The following ERC2 variants were observed in gnomAD, a reference collection of about 807,000 sequenced individuals.
ERC2 encodes ELKS/RAB6-interacting/CAST family member 2.
Under a neutral mutation model 114.8 loss-of-function variants are expected in ERC2, and 42 were observed. The observed-to-expected ratio is 0.37, with a 90% CI of 0.29 to 0.47. The LOEUF (loss-of-function observed/expected upper bound fraction) is 0.47, where lower values mean the gene tolerates loss of function less well. Among genes scored for constraint, ERC2 ranks in the 20% least tolerant of loss-of-function variants. ERC2 has a pLI of 0.99. For synonymous variants in ERC2, 454 were observed against 425.5 expected, an observed-to-expected ratio of 1.07 and a Z score of -0.82; for missense variants, 939 against 1,150.7, an observed-to-expected ratio of 0.82 and a Z score of 2.66.
intron 13 of ERC2, among the ~76,000 whole-genome samples, chr3:55,901,559 C>T (rs1319438340): frequency 6.6e-6 from 1 of 152,188 alleles, no homozygotes; most frequent in Non-Finnish European, 1.5e-5. Flanking sequence ...GAGAATCTCC[C>T]TCACATCAAA....
At chr3:56,194,345 T>C (rs985058573) in intron 3 of ERC2, among the ~76,000 whole-genome samples, 42 of 152,176 alleles carry the variant, frequency 2.8e-4, no homozygotes, top group African/African-American at 9.4e-4. Flanking sequence ...CAAGATGAGA[T>C]AATCCTAGAT....
intron 14 of ERC2, among the ~76,000 whole-genome samples, chr3:55,869,142 C>T (rs914931932): frequency 6.6e-6 from 1 of 152,112 alleles, no homozygotes; most frequent in Non-Finnish European, 1.5e-5. Context: ...TTGGAGATAG[C>T]CTCTCTAATG....
At chr3:56,092,844 T>TA (rs1309372011) in intron 6 of ERC2, among the ~76,000 whole-genome samples, 2 of 152,184 alleles carry the variant, frequency 1.3e-5, no homozygotes, top group East Asian at 3.8e-4. Flanking sequence ...TCCCTTCAGG[T>TA]AAGCACATTA....
chr3:55,954,240 G>C (rs1576344415), intron 12 of ERC2, among the ~76,000 whole-genome samples: 1 of 151,784 alleles, frequency 6.6e-6, no homozygotes, highest in Admixed American at 6.6e-5. Flanking sequence ...TAGTGGTAAG[G>C]TTAGTTTTCA....
At chr3:55,942,582 C>A (rs2066882446) in intron 13 of ERC2, among the ~76,000 whole-genome samples, 1 of 151,834 alleles carries the variant, frequency 6.6e-6, no homozygotes, top group Non-Finnish European at 1.5e-5. Context: ...CAGGCGTGAG[C>A]CACCGCGCCC....
At chr3:56,124,546 C>A (rs1180878447) in intron 6 of ERC2, among the ~76,000 whole-genome samples, 3 of 152,148 alleles carry the variant, frequency 2.0e-5, no homozygotes, top group Non-Finnish European at 2.9e-5. Context: ...TGATCTAAAC[C>A]CACACTTACA....
At chr3:55,707,260 C>T (rs899553614) in intron 15 of ERC2, among the ~76,000 whole-genome samples, 1 of 151,936 alleles carries the variant, frequency 6.6e-6, no homozygotes, top group Non-Finnish European at 1.5e-5. Context: ...ATAGTGAAAC[C>T]CCACGTCTAC....
At chr3:55,743,229 G>T (rs1236467024) in intron 14 of ERC2, among the ~76,000 whole-genome samples, 11 of 152,190 alleles carry the variant, frequency 7.2e-5, no homozygotes, top group Non-Finnish European at 7.3e-5. Context: ...TCCTTGCTCA[G>T]TGCATGAGCC....
intron 1 of ERC2, among the ~76,000 whole-genome samples, chr3:56,444,264 C>A (rs1015403498): frequency 2.0e-5 from 3 of 151,996 alleles, no homozygotes; most frequent in African/African-American, 4.8e-5. Context: ...AGCCACCACG[C>A]CCCGCCAATA....
At chr3:55,579,696 G>T (rs1328927685) in intron 17 of ERC2, among the ~76,000 whole-genome samples, 1 of 152,212 alleles carries the variant, frequency 6.6e-6, no homozygotes, top group Non-Finnish European at 1.5e-5. Context: ...GTGCACGGCA[G>T]AAATGATTCA....
At chr3:55,778,708 G>A (rs1022734666) in intron 14 of ERC2, among the ~76,000 whole-genome samples, 2 of 152,076 alleles carry the variant, frequency 1.3e-5, no homozygotes, top group Non-Finnish European at 2.9e-5. Context: ...GGTACAAAGG[G>A]TATGTATCAT....
intron 6 of ERC2, among the ~76,000 whole-genome samples, chr3:56,120,193 G>A (rs2079495040): frequency 6.6e-6 from 1 of 152,176 alleles, no homozygotes; most frequent in African/African-American, 2.4e-5. Context: ...CTTAGAGTCA[G>A]AAGATCTGGC....
intron 14 of ERC2, among the ~76,000 whole-genome samples, chr3:55,745,399 A>G (rs750071884): frequency 6.6e-6 from 1 of 152,238 alleles, no homozygotes; most frequent in African/African-American, 2.4e-5. Context: ...TTCAAAATAA[A>G]AGATTCTTCC....
At chr3:56,325,971 T>C (rs73088533) in intron 2 of ERC2, among the ~76,000 whole-genome samples, 1 of 152,090 alleles carries the variant, frequency 6.6e-6, no homozygotes, top group African/African-American at 2.4e-5. Context: ...TCAGACACAC[T>C]CTGGTTGCAT....
chr3:55,584,666 T>C lies in ERC2; in HGVS notation c.*40-73390A>G, dbSNP rs182913836. On this transcript the variant is annotated intron_variant, in intron 17 of 17. Transcript: ENST00000288221. ...AAACCCTCATGGGTGGAAGCAGCCA[T>C]AACCCACATCTCCCTGCTGAGGCTG... 2.7e-4 allele frequency among the ~76,000 whole-genome samples: 41 copies of C among 152,288 alleles called. No homozygotes were observed. In the East Asian group the frequency reaches 7.7e-3, roughly 29 times the overall value.
At chr3:55,533,607 G>A (rs967106930) in intron 17 of ERC2, among the ~76,000 whole-genome samples, 1 of 152,186 alleles carries the variant, frequency 6.6e-6, no homozygotes, top group Non-Finnish European at 1.5e-5. Flanking sequence ...AGAAAGGAAG[G>A]TGATGGGGTG....
chr3:56,079,520 G>C (rs2077129097), intron 7 of ERC2, among the ~76,000 whole-genome samples: 1 of 152,124 alleles, frequency 6.6e-6, no homozygotes, highest in African/African-American at 2.4e-5. Flanking sequence ...AGGCCAGACT[G>C]GCCAGAGGGA....
chr3:56,318,070 G>A (rs961880583), intron 2 of ERC2, among the ~76,000 whole-genome samples: 9 of 152,126 alleles, frequency 5.9e-5, no homozygotes, highest in African/African-American at 2.2e-4. Context: ...CTGGCACATA[G>A]GAGTGTTTAA....
chr3:56,016,235 C>A (rs1044642264), intron 8 of ERC2, among the ~76,000 whole-genome samples: 5 of 152,006 alleles, frequency 3.3e-5, no homozygotes, highest in African/African-American at 9.7e-5. Context: ...TCAATTTTTG[C>A]TTTTGTTGCA....
Sources: gnomAD v4.1 joint callset for allele counts (sites outside exome capture counted in the v4.1 genomes callset) on GRCh38, gnomAD v4.1.1 for gene constraint, MANE v1.5 for transcripts, NCBI Gene and HGNC (gene_info 2026-07-23, HGNC 2026-07-21) for gene names.